The following CDH22 variants were observed in gnomAD, a reference collection of about 807,000 sequenced individuals.
CDH22 encodes the protein cadherin 22, also known as cadherin-22.
In CDH22, 30 loss-of-function variants were observed where a neutral mutation model predicts 58.4. The observed-to-expected ratio is 0.51, with a 90% CI of 0.38 to 0.70. The LOEUF (loss-of-function observed/expected upper bound fraction) is 0.70, where lower values mean the gene tolerates loss of function less well. Ranked by LOEUF, CDH22 falls within the 30% of genes least tolerant of loss-of-function variation. CDH22 has a pLI of 0.00. For synonymous variants in CDH22, 513 were observed against 558.2 expected (o/e 0.92, Z 1.14); for missense variants, 1,014 against 1,233.9 (o/e 0.82, Z 2.67).
intron 4 of CDH22, among the ~76,000 whole-genome samples, chr20:46,218,568 A>C (rs1424907785): frequency 6.6e-6 from 1 of 152,198 alleles, no homozygotes; most frequent in East Asian, 1.9e-4. Context: ...TCCCTTACAC[A>C]CATGCACACT....
chr20:46,192,585 G>C (rs1024554574), intron 8 of CDH22, among the ~76,000 whole-genome samples: 1 of 151,886 alleles, frequency 6.6e-6, no homozygotes, highest in Admixed American at 6.6e-5. Flanking sequence ...TGGAGTGGGA[G>C]GGGGAGAGAG....
chr20:46,279,366 A>C (rs2086537447), intron 1 of CDH22, among the ~76,000 whole-genome samples: 1 of 152,196 alleles, frequency 6.6e-6, no homozygotes, highest in Non-Finnish European at 1.5e-5. Flanking sequence ...GATAAGGGGA[A>C]AAGGGGAAAC....
chr20:46,257,410 C>A (rs1186361528), intron 1 of CDH22, among the ~76,000 whole-genome samples: 1 of 152,008 alleles, frequency 6.6e-6, no homozygotes, highest in East Asian at 1.9e-4. Context: ...TAGTCAGGGG[C>A]TTTGATCAAG....
At chr20:46,219,527 GTAGCA>G (rs1278215956) in intron 4 of CDH22, among the ~76,000 whole-genome samples, 4 of 152,252 alleles carry the variant, frequency 2.6e-5, no homozygotes, top group Non-Finnish European at 5.9e-5. Flanking sequence ...AGGATATTTA[GTAGCA>G]TCCTTGGCCT....
Position 46,241,158 on chromosome 20 carries a change from T to C in CDH22, c.355A>G (p.Ile119Val). The change falls in exon 3 of 12, where the codon ATT (isoleucine) becomes GTT (valine). Residue 119 changes from isoleucine to valine, a missense_variant. Physicochemically the swap from Ile to Val is conservative, Grantham distance 29. Around this residue, in one of 2 missense-constraint regions of CDH22, gnomAD observed 806 missense variants for 1,038.7 expected, o/e 0.78. Coordinates refer to ENST00000537909, the MANE Select transcript of CDH22 (RefSeq NM_021248.3). This position sits in a 1 kb window ranked among gnomAD's most constrained non-coding sequence, Gnocchi z 5.2. ...CGGTCCAGGCGCTCCATGGCATGAA[T>C]GTCGCCTGTCAGCTCGTCGATCAGG... ...IFLIDELTGD[I>V]HAMERLDREQ... The C allele has an allele frequency of 6.2e-7, 1 of 1,614,156 alleles. No homozygotes were observed. The highest frequency in any genetic ancestry group is 8.5e-7 in the Non-Finnish European group (1 of 1,180,014).
intron 1 of CDH22, among the ~76,000 whole-genome samples, chr20:46,270,681 A>G (rs2145757097): frequency 6.6e-6 from 1 of 152,328 alleles, no homozygotes; most frequent in Non-Finnish European, 1.5e-5. Flanking sequence ...GGCTCTGTGC[A>G]GGGGTGGTGA....
rs919504465 is a variant in CDH22 at position 46,251,546 on chromosome 20, C to T, written c.-252G>A. 3.3e-6 allele frequency: 1 copy of T among 304,570 alleles called. No homozygotes were observed. Among genetic ancestry groups the T allele is most frequent in the Non-Finnish European group, 5.9e-6 (1 of 168,566 alleles). The allele number at this position is 304,570 out of a possible 1,614,324, so 18.9% of individuals were successfully genotyped here. A position where few individuals can be genotyped will look rare whatever the true frequency, so the allele number is the denominator to read the frequency against. ...ACAGCCCCCGGGGTGCCCGCCCGCGCCCCCGTCGCCGCGTCGCGTGCGGAT... is the reference window on the plus strand; with the variant it reads ...ACAGCCCCCGGGGTGCCCGCCCGCGTCCCCGTCGCCGCGTCGCGTGCGGAT... On this transcript the variant is annotated 5_prime_UTR_variant, in exon 2 of 12. Coordinates refer to ENST00000537909, the MANE Select transcript of CDH22 (RefSeq NM_021248.3). This position sits in a 1 kb window ranked among gnomAD's most constrained non-coding sequence, Gnocchi z 6.7.
chr20:46,250,977 GTATC>G, intron 2 of CDH22, 59 bp downstream of exon 2: 1 of 981,996 alleles, frequency 1.0e-6, no homozygotes, highest in Non-Finnish European at 1.6e-6. Flanking sequence ...AGGGTTTCTT[GTATC>G]TACCCGTGGG....
chr20:46,225,367 A>G (rs1600705102), intron 4 of CDH22, among the ~76,000 whole-genome samples: 2 of 152,296 alleles, frequency 1.3e-5, no homozygotes, highest in East Asian at 1.9e-4. Context: ...TATCCATAAC[A>G]CCCATTAAAT....
At chr20:46,274,590 G>T (rs2086508356) in intron 1 of CDH22, among the ~76,000 whole-genome samples, 2 of 152,100 alleles carry the variant, frequency 1.3e-5, no homozygotes, top group African/African-American at 4.8e-5. Flanking sequence ...CTACACAAGA[G>T]AAATGAAAAC....
At chr20:46,209,506 C>T (rs1433755047) in intron 7 of CDH22, among the ~76,000 whole-genome samples, 1 of 152,070 alleles carries the variant, frequency 6.6e-6, no homozygotes, top group Non-Finnish European at 1.5e-5. Flanking sequence ...CACATTTGAG[C>T]AGGATCAGGC....
chr20:46,177,479 G>C (rs531864384), intron 11 of CDH22, among the ~76,000 whole-genome samples: 5 of 152,186 alleles, frequency 3.3e-5, no homozygotes, highest in Admixed American at 6.5e-5. Flanking sequence ...AGGAGCAGAG[G>C]ACACAGGGTG....
chr20:46,246,824 G>T (rs2086332899), intron 2 of CDH22, among the ~76,000 whole-genome samples: 2 of 152,202 alleles, frequency 1.3e-5, no homozygotes, highest in African/African-American at 4.8e-5. Flanking sequence ...CGGCTCCCTG[G>T]GGTGGGGGGA....
chr20:46,289,093 C>T (rs1568684008), intron 1 of CDH22, among the ~76,000 whole-genome samples: 1 of 152,200 alleles, frequency 6.6e-6, no homozygotes, highest in Non-Finnish European at 1.5e-5. Context: ...CCACACTGGC[C>T]CTCTGGCTCT....
intron 5 of CDH22, among the ~76,000 whole-genome samples, chr20:46,213,920 T>C (rs1306219657): frequency 6.6e-6 from 1 of 152,052 alleles, no homozygotes; most frequent in Non-Finnish European, 1.5e-5. Flanking sequence ...GTGAAACATA[T>C]GGTATGTCCA....
chr20:46,177,449 A>C (rs894510002), intron 11 of CDH22, among the ~76,000 whole-genome samples: 2 of 152,224 alleles, frequency 1.3e-5, no homozygotes, highest in Admixed American at 1.3e-4. Flanking sequence ...GTTTAGATTC[A>C]TAGCAGGTGG....
chr20:46,250,131 G>A (rs911096006), intron 2 of CDH22, among the ~76,000 whole-genome samples: 1 of 152,164 alleles, frequency 6.6e-6, no homozygotes, highest in African/African-American at 2.4e-5. Context: ...GTCCTTCTCA[G>A]CTCCTTATAT....
At chr20:46,181,769 T>TTCTTTCTTTC (rs1238746333) in intron 10 of CDH22, among the ~76,000 whole-genome samples, 2 of 133,696 alleles carry the variant, frequency 1.5e-5, no homozygotes, top group East Asian at 4.1e-4. Context: ...CTTTCTTTCT[T>TTCTTTCTTTC]TCTTTCTTTC....
At chr20:46,246,358 G>A (rs780950152) in intron 2 of CDH22, among the ~76,000 whole-genome samples, 17 of 152,088 alleles carry the variant, frequency 1.1e-4, no homozygotes, top group Non-Finnish European at 1.8e-4. Context: ...TAATCCTGCC[G>A]TATATCTAAA....
Sources: allele counts gnomAD v4.1 joint callset (sites outside exome capture counted in the v4.1 genomes callset), GRCh38; gene constraint gnomAD v4.1.1; regional missense constraint gnomAD v4.1.1; non-coding constraint Gnocchi (gnomAD v3.1); transcripts MANE v1.5; gene names NCBI Gene and HGNC (gene_info 2026-07-23, HGNC 2026-07-21).